POPDC2: variants seen among roughly 807,000 people sequenced by gnomAD.
POPDC2 encodes popeye domain cAMP effector 2, also known as popeye domain-containing protein 2.
In POPDC2, 24 loss-of-function variants were observed where a neutral mutation model predicts 30.5. The ratio of observed to expected loss-of-function variants is 0.79; its 90% CI spans 0.57 to 1.11. POPDC2 has a LOEUF of 1.11. POPDC2 is among the 50% of genes least tolerant of loss of function. The pLI is 0.00. For missense variants in POPDC2, 409 were observed against 447.0 expected, an observed-to-expected ratio of 0.91 and a Z score of 0.77; for synonymous variants, 185 against 183.3, an observed-to-expected ratio of 1.01 and a Z score of -0.07.
chr3:119,655,692 T>C (rs569744554), intron 1 of POPDC2, among the ~76,000 whole-genome samples: 16 of 152,376 alleles, frequency 1.1e-4, no homozygotes, highest in African/African-American at 3.8e-4. Context: ...CAAGGTAGAT[T>C]ATTCTTTTCT....
At position 119,660,389 on chromosome 3, in the gene POPDC2, A is replaced by T; in HGVS notation, c.35T>A (p.Leu12His). The T allele has an allele frequency of 1.2e-6, 2 of 1,613,696 alleles. No individual in the cohort carries two copies. Among genetic ancestry groups the T allele is most frequent in the Non-Finnish European group, 1.7e-6 (2 of 1,179,740 alleles). The change falls in exon 1 of 4, where the codon CTC (leucine) becomes CAC (histidine). Residue 12 changes from leucine to histidine, a missense_variant. Coordinates refer to ENST00000493094, the MANE Select transcript of POPDC2 (RefSeq NM_001369919.2). ...CCTAATGCACGCTGAACCCTGCAAG[A>T]GAAGCTGGCCCACTCTGCTGCTGTT... The part of the protein sequence containing the change: ...SANSSRVGQL[L>H]LQGSACIRWK...
At position 119,652,652 on chromosome 3, in the gene POPDC2, G is replaced by T. The variant is rs78033384; in HGVS notation, c.600+1853C>A. ...GTCAGAAAGAGGCCTGGTCCAGCTGGCTCAGGTCCTGACTGAGCCCTCCTG... is the reference window on the plus strand; with the variant it reads ...GTCAGAAAGAGGCCTGGTCCAGCTGTCTCAGGTCCTGACTGAGCCCTCCTG... On this transcript the variant is annotated intron_variant, in intron 2 of 3. Transcript: ENST00000493094. Among the ~76,000 whole-genome samples, 640 of 152,310 alleles carry T rather than the reference G, an allele frequency of 4.2e-3. 3 individuals are homozygous for T. Among genetic ancestry groups the T allele is most frequent in the African/African-American group, 0.014 (575 of 41,556 alleles).
intron 1 of POPDC2, 154 bp from the exon 2 acceptor site, chr3:119,654,767 A>C: frequency 1.6e-6 from 1 of 610,978 alleles, no homozygotes; most frequent in South Asian, 2.0e-5. Flanking sequence ...AGCCAGCCTA[A>C]TTACTGCATG....
At chr3:119,643,396 C>T (rs1207716335) in intron 3 of POPDC2, 7 of 1,535,542 alleles carry the variant, frequency 4.6e-6, no homozygotes, top group East Asian at 2.4e-5. Context: ...CTGCCAGCTG[C>T]CACCTTCCCT....
At chr3:119,648,702 A>C in intron 2 of POPDC2, 34 bp from the exon 3 acceptor site, 1 of 1,559,746 alleles carries the variant, frequency 6.4e-7, no homozygotes, top group Non-Finnish European at 8.7e-7. Flanking sequence ...ATAAAAGTTT[A>C]AACTAGAAAA....
At chr3:119,655,449 G>T (rs907857906) in intron 1 of POPDC2, among the ~76,000 whole-genome samples, 1 of 152,138 alleles carries the variant, frequency 6.6e-6, no homozygotes, top group Non-Finnish European at 1.5e-5. Flanking sequence ...GCCACATATG[G>T]CCTGTGACTA....
At position 119,654,613 on chromosome 3, in the gene POPDC2, C is replaced by G. The variant is rs778683476; in HGVS notation, c.492G>C (p.Arg164=). Residue 164 remains arginine, a splice_region_variant and synonymous_variant, in exon 2 of 4, where the codon CGG becomes CGC. Transcript: ENST00000493094. ...INRLSLLLSG[R]VRVSQDGQFL... is the part of the protein sequence containing the mutation. ...ACTGCCCATCCTGGCTCACACGAAC[C>G]CTGGCAAGGGAAGAGAAGAGATCAT... The G allele has an allele frequency of 6.2e-7, 1 of 1,612,428 alleles. No homozygotes were observed. Among genetic ancestry groups the G allele is most frequent in the African/African-American group, 1.3e-5 (1 of 74,866 alleles).
rs193282564 is a variant in POPDC2 at position 119,651,092 on chromosome 3, C to T, written c.601-2424G>A. ...ATGGCCCTACATGATCTTGCTACCT[C>T]GTCACCTCTCCAACTTTCTCTCCTG... On this transcript the variant is annotated intron_variant, in intron 2 of 3. Transcript: ENST00000493094. 4.1e-3 allele frequency among the ~76,000 whole-genome samples: 631 copies of T among 152,280 alleles called. 4 individuals are homozygous for T. Among genetic ancestry groups the T allele is most frequent in the African/African-American group, 0.014 (599 of 41,568 alleles).
intron 3 of POPDC2, among the ~76,000 whole-genome samples, chr3:119,647,062 A>T (rs1401414049): frequency 6.6e-6 from 1 of 152,220 alleles, no homozygotes; most frequent in African/African-American, 2.4e-5. Context: ...CTACAAAACT[A>T]AATCTCTAAC....
chr3:119,656,014 G>C (rs1402857139), intron 1 of POPDC2, among the ~76,000 whole-genome samples: 1 of 152,150 alleles, frequency 6.6e-6, no homozygotes, highest in Non-Finnish European at 1.5e-5. Context: ...CTGGGAATTT[G>C]GAAATGGAAT....
upstream of POPDC2, chr3:119,660,660 C>A (rs1011850243): frequency 6.7e-6 from 2 of 296,486 alleles, no homozygotes; most frequent in African/African-American, 2.9e-5. Context: ...CCCTCTCCCC[C>A]CCTCTCTCCT....
At chr3:119,654,837 TCTC>T (rs2052861325) in intron 1 of POPDC2, 2 of 509,212 alleles carry the variant, frequency 3.9e-6, no homozygotes, top group Admixed American at 3.5e-5. Context: ...TCCTCCTCCT[TCTC>T]CTTACTGGTG....
intron 3 of POPDC2, chr3:119,643,485 G>A: frequency 7.7e-7 from 1 of 1,306,210 alleles, no homozygotes; most frequent in Non-Finnish European, 1.1e-6. Context: ...GAGAGAGACT[G>A]CTAAACAATT....
chr3:119,660,601 CA>C, upstream of POPDC2: 1 of 649,848 alleles, frequency 1.5e-6, no homozygotes, highest in South Asian at 2.1e-5. Context: ...GAACATAGTA[CA>C]CTTCATGGAG....
rs774363479 is a variant in POPDC2, at chr3:119,660,460, C to T, written c.-37G>A. 3 of 1,576,274 alleles carry T rather than the reference C, an allele frequency of 1.9e-6. No individual in the cohort carries two copies. Among genetic ancestry groups the T allele is most frequent in the Non-Finnish European group, 1.7e-6 (2 of 1,159,766 alleles). ...CTCAAAGCCTCACTGGGCTCTAATACTGTCCTCACATAGGAAATTCAGAAA... is the reference window on the plus strand; with the variant it reads ...CTCAAAGCCTCACTGGGCTCTAATATTGTCCTCACATAGGAAATTCAGAAA... On this transcript the variant is annotated 5_prime_UTR_variant, in exon 1 of 4. Coordinates refer to ENST00000493094, the MANE Select transcript of POPDC2 (RefSeq NM_001369919.2).
At chr3:119,658,916 C>CTTTTTTTTT (rs35687726) in intron 1 of POPDC2, among the ~76,000 whole-genome samples, 1 of 139,656 alleles carries the variant, frequency 7.2e-6, no homozygotes. Context: ...TCTGGATTTG[C>CTTTTTTTTT]TTTTTTTTTT....
rs938960001 is a variant in POPDC2 at position 119,653,073 on chromosome 3, T to A, written c.600+1432A>T. Among the ~76,000 whole-genome samples, 12 of 97,640 alleles carry A rather than the reference T, an allele frequency of 1.2e-4. No homozygotes were observed. In the Admixed American group the frequency reaches 1.3e-3, roughly 10 times the overall value. The allele number at this position is 97,640 out of a possible 152,430, so 64.1% of individuals were successfully genotyped here. A position where few individuals can be genotyped will look rare whatever the true frequency, so the allele number is the denominator to read the frequency against. The stretch of plus-strand genomic sequence containing the variant: ...ATGCGTGTGCATGTGTGTGTGTGTA[T>A]GTGTGTGTGTAAACTCTACTCTTCT... On this transcript the variant is annotated intron_variant, in intron 2 of 3. Transcript: ENST00000493094.
Position 119,654,517 on chromosome 3 carries a change from C to T in POPDC2, c.588G>A (p.Glu196=). Residue 196 remains glutamate (E), a synonymous_variant, in exon 2 of 4, where the codon GAG becomes GAA. Transcript: ENST00000493094. ...PEWESLQPSE[E]GVFQVTLTAE... is the part of the protein sequence containing the mutation. Reference sequence around the variant, plus strand: ...GGCTCCCTGTTACCTGGAACACCCCCTCCTCAGAAGGCTGTAGTGATTCCC... The same window carrying T: ...GGCTCCCTGTTACCTGGAACACCCCTTCCTCAGAAGGCTGTAGTGATTCCC... The T allele has an allele frequency of 1.2e-6, 2 of 1,612,416 alleles. No individual in the cohort carries two copies. The highest frequency in any genetic ancestry group is 1.7e-6 in the Non-Finnish European group (2 of 1,178,798).
chr3:119,649,192 C>CT (rs2052783325), intron 2 of POPDC2, among the ~76,000 whole-genome samples: 1 of 152,076 alleles, frequency 6.6e-6, no homozygotes, highest in African/African-American at 2.4e-5. Flanking sequence ...GATCCCAAGC[C>CT]TGGGATTCAG....
Sources: gnomAD v4.1 joint callset for allele counts (sites outside exome capture counted in the v4.1 genomes callset) on GRCh38, gnomAD v4.1.1 for gene constraint, MANE v1.5 for transcripts, NCBI Gene and HGNC (gene_info 2026-07-23, HGNC 2026-07-21) for gene names.